The following DOCK8 variants were observed in gnomAD, a reference collection of about 807,000 sequenced individuals.
DOCK8 encodes the protein dedicator of cytokinesis 8.
Under a neutral mutation model 245.6 loss-of-function variants are expected in DOCK8, and 141 were observed. That is an observed-to-expected ratio of 0.57 (90% confidence interval 0.50 to 0.66). The LOEUF (loss-of-function observed/expected upper bound fraction) is 0.66. DOCK8 is among the 30% of genes least tolerant of loss of function. The probability of loss-of-function intolerance (pLI) is 0.00; values close to 1 mark genes in which losing one functional copy is unlikely to be tolerated. For synonymous variants in DOCK8, 1,168 were observed against 970.2 expected (o/e 1.20, Z -3.79); for missense variants, 2,965 against 2,603.4 (o/e 1.14, Z -3.02).
At chr9:449,980 A>G in intron 45 of DOCK8, 53 bp downstream of exon 45, 2 of 1,598,426 alleles carry the variant, frequency 1.3e-6, no homozygotes, top group Non-Finnish European at 1.7e-6. Context: ...TTAGGTTGTC[A>G]TTATACGTCT....
Position 334,323 on chromosome 9 carries a change from A to T in DOCK8, c.1224A>T (p.Leu408Phe), listed in dbSNP as rs767141326. Residue 408 changes from leucine to phenylalanine, a missense_variant, in exon 11 of 48, where the codon TTA becomes TTT. Physicochemically the swap from Leu to Phe is conservative, Grantham distance 22 (BLOSUM62 0). Around this residue, in one of 3 missense-constraint regions of DOCK8, gnomAD observed 2,825 missense variants for 2,453.5 expected, o/e 1.15. Transcript: ENST00000432829. ...CCTTTGCCTGGGCACCCATAAGCTT[A>T]TCAAGCTTCTTCAATGTCTCCACCC... ...RMPFAWAPIS[L>F]SSFFNVSTLE... is the part of the protein sequence containing the mutation. The T allele has an allele frequency of 6.8e-6, 11 of 1,614,190 alleles. No homozygotes were observed. The South Asian group carries it at 9.9e-5, about 14-fold the overall frequency.
At chr9:257,623 G>A (rs1293384118) in intron 1 of DOCK8, among the ~76,000 whole-genome samples, 3 of 152,174 alleles carry the variant, frequency 2.0e-5, no homozygotes, top group Non-Finnish European at 4.4e-5. Flanking sequence ...AGGTTCAAGC[G>A]ATTCTCCTGC....
Position 334,309 on chromosome 9 carries a change from G to C in DOCK8, c.1210G>C (p.Ala404Pro). 6.2e-7 allele frequency: 1 copy of C among 1,614,184 alleles called. No homozygotes were observed. The highest frequency in any genetic ancestry group is 8.5e-7 in the Non-Finnish European group (1 of 1,180,018). Residue 404 changes from alanine (A) to proline (P), a missense_variant, in exon 11 of 48, where the codon GCA becomes CCA. Coordinates refer to ENST00000432829, the MANE Select transcript of DOCK8 (RefSeq NM_203447.4). ...GAAATACCGGATGCCCTTTGCCTGG[G>C]CACCCATAAGCTTATCAAGCTTCTT... ...LGKYRMPFAW[A>P]PISLSSFFNV...
chr9:268,869 A>G (rs1336529120), intron 1 of DOCK8, among the ~76,000 whole-genome samples: 1 of 152,178 alleles, frequency 6.6e-6, no homozygotes, highest in Non-Finnish European at 1.5e-5. Flanking sequence ...TGCAATATAG[A>G]CCTTTGTTTT....
intron 2 of DOCK8, among the ~76,000 whole-genome samples, chr9:284,205 T>A (rs1291330551): frequency 2.0e-5 from 3 of 152,106 alleles, no homozygotes. Flanking sequence ...CCTATGGAGG[T>A]GTCTGTGGCA....
intron 1 of DOCK8, chr9:267,979 A>T (rs1204480031): frequency 6.6e-6 from 1 of 152,234 alleles, no homozygotes; most frequent in Non-Finnish European, 1.5e-5. Context: ...GTTGCATATT[A>T]CAGTATTACT....
At chr9:400,836 C>T (rs1341527747) in intron 26 of DOCK8, among the ~76,000 whole-genome samples, 1 of 119,616 alleles carries the variant, frequency 8.4e-6, no homozygotes, top group Non-Finnish European at 1.7e-5. Flanking sequence ...ATCACCATCA[C>T]CACCACCTCC....
chr9:351,652 A>T (rs2052173432), intron 14 of DOCK8, among the ~76,000 whole-genome samples: 1 of 152,240 alleles, frequency 6.6e-6, no homozygotes, highest in Admixed American at 6.5e-5. Flanking sequence ...TAGGCATGGA[A>T]ATATCCACTG....
At chr9:441,093 G>T (rs1564072533) in intron 40 of DOCK8, among the ~76,000 whole-genome samples, 193 bp from the exon 41 acceptor site, 2 of 152,060 alleles carry the variant, frequency 1.3e-5, no homozygotes, top group African/African-American at 2.4e-5. Flanking sequence ...GGACTACTTA[G>T]CGAGGTGTCT....
chr9:236,125 A>T (rs1430085363), intron 1 of DOCK8, among the ~76,000 whole-genome samples: 2 of 152,116 alleles, frequency 1.3e-5, no homozygotes, highest in African/African-American at 4.8e-5. Context: ...CCCCCAAGGT[A>T]CCACTGGAGA....
chr9:441,323 T>A lies in DOCK8; in HGVS notation c.5261T>A (p.Leu1754Gln), dbSNP rs2057087292. 6.2e-7 allele frequency: 1 copy of A among 1,614,224 alleles called. No homozygotes were observed. Among genetic ancestry groups the A allele is most frequent in the Non-Finnish European group, 8.5e-7 (1 of 1,180,040 alleles). Residue 1754 changes from leucine to glutamine, a missense_variant, in exon 41 of 48, where the codon CTG (leucine) becomes CAG (glutamine). Around this residue, in one of 3 missense-constraint regions of DOCK8, gnomAD observed 2,825 missense variants for 2,453.5 expected, o/e 1.15. Coordinates refer to ENST00000432829, the MANE Select transcript of DOCK8 (RefSeq NM_203447.4). ...GAGACAGTTAATGAGGTCTACAAGC[T>A]GGTCATCCCCATCCTAGAAGCGCAT... Reference protein sequence around the residue: ...LYETVNEVYKLVIPILEAHRE... With the variant: ...LYETVNEVYKQVIPILEAHRE...
chr9:327,514 C>T (rs921334327), intron 8 of DOCK8, among the ~76,000 whole-genome samples: 7 of 151,834 alleles, frequency 4.6e-5, no homozygotes, highest in African/African-American at 1.5e-4. Flanking sequence ...CCTCCCACCT[C>T]AGCGTCCCAA....
chr9:388,908 T>G (rs1018450348), intron 23 of DOCK8, among the ~76,000 whole-genome samples: 12 of 152,200 alleles, frequency 7.9e-5, no homozygotes, highest in Admixed American at 2.0e-4. Context: ...AATCAGTTTT[T>G]GCTTTAGGTG....
At chr9:411,352 G>T (rs1475164289) in intron 28 of DOCK8, among the ~76,000 whole-genome samples, 1 of 152,098 alleles carries the variant, frequency 6.6e-6, no homozygotes, top group African/African-American at 2.4e-5. Flanking sequence ...GGCAGAGGTT[G>T]CAGTGAGCCA....
At chr9:376,379 A>G in intron 19 of DOCK8, 74 bp downstream of exon 19, 5 of 1,037,160 alleles carry the variant, frequency 4.8e-6, no homozygotes, top group South Asian at 3.8e-5. Flanking sequence ...CCAATAAAAG[A>G]TCAGTGAAAA....
chr9:299,658 C>G (rs60254620), intron 4 of DOCK8, among the ~76,000 whole-genome samples: 1 of 151,828 alleles, frequency 6.6e-6, no homozygotes, highest in Non-Finnish European at 1.5e-5. Flanking sequence ...CCAATTTAGC[C>G]TGCGTTTCAC....
chr9:273,334 C>T (rs1313312507), intron 2 of DOCK8, among the ~76,000 whole-genome samples: 1 of 152,020 alleles, frequency 6.6e-6, no homozygotes, highest in East Asian at 1.9e-4. Context: ...ATGTCAAGTG[C>T]ATATTGTGTC....
In DOCK8 at chr9:242,742, A is replaced by C. The variant is rs540489814; in HGVS notation, c.53+27713A>C. On this transcript the variant is annotated intron_variant, in intron 1 of 47. Transcript: ENST00000432829. Reference sequence around the variant, plus strand: ...TTGCCTTTGCCAATCATTGCCACCAACGAGTCAAAACTTACTTGTTGCTGG... The same window carrying C: ...TTGCCTTTGCCAATCATTGCCACCACCGAGTCAAAACTTACTTGTTGCTGG... Among the ~76,000 whole-genome samples the C allele has an allele frequency of 4.0e-5, 6 of 151,854 alleles. No homozygotes were observed. In the South Asian group the frequency reaches 8.3e-4, roughly 21 times the overall value.
chr9:276,111 G>A (rs1376184411), intron 2 of DOCK8, among the ~76,000 whole-genome samples: 3 of 146,338 alleles, frequency 2.1e-5, no homozygotes, highest in South Asian at 2.2e-4. Flanking sequence ...GGCTGGTCTT[G>A]AACTTCTGAC....
Sources: allele counts gnomAD v4.1 joint callset (sites outside exome capture counted in the v4.1 genomes callset), GRCh38; gene constraint gnomAD v4.1.1; regional missense constraint gnomAD v4.1.1; transcripts MANE v1.5; gene names NCBI Gene and HGNC (gene_info 2026-07-23, HGNC 2026-07-21).